The following GRIP1 variants were observed in gnomAD, a reference collection of about 807,000 sequenced individuals.
GRIP1 encodes the protein glutamate receptor-interacting protein 1.
In GRIP1, 45 loss-of-function variants were observed where a neutral mutation model predicts 129.9. The observed-to-expected ratio is 0.35, with a 90% CI of 0.27 to 0.44. GRIP1 has a LOEUF of 0.44. Among genes scored for constraint, GRIP1 ranks in the 20% least tolerant of loss-of-function variants. GRIP1 has a pLI of 1.00. For synonymous variants in GRIP1, 530 were observed against 520.8 expected (o/e 1.02, Z -0.24); for missense variants, 1,196 against 1,396.8 (o/e 0.86, Z 2.29).
At chr12:67,041,145 ATCTC>A (rs373387278) in intron 1 of GRIP1, among the ~76,000 whole-genome samples, 17 of 151,910 alleles carry the variant, frequency 1.1e-4, no homozygotes, top group South Asian at 8.3e-4. Context: ...CTTAAAATCA[ATCTC>A]TCTCTTTCTC....
At chr12:66,685,147 C>T (rs1420237218) in intron 1 of GRIP1, among the ~76,000 whole-genome samples, 1 of 152,160 alleles carries the variant, frequency 6.6e-6, no homozygotes, top group African/African-American at 2.4e-5. Flanking sequence ...CAGACCTTTA[C>T]TGATTACCTT....
intron 4 of GRIP1, among the ~76,000 whole-genome samples, chr12:66,532,924 C>T (rs979935522): frequency 4.6e-5 from 7 of 152,152 alleles, no homozygotes; most frequent in East Asian, 1.9e-4. Flanking sequence ...AATGGAGTAA[C>T]AGTGAAGAGT....
intron 1 of GRIP1, among the ~76,000 whole-genome samples, chr12:66,955,320 C>T (rs939100937): frequency 7.2e-5 from 11 of 152,038 alleles, no homozygotes; most frequent in South Asian, 2.1e-4. Flanking sequence ...GAAGCACACA[C>T]GGAGAACCAC....
At chr12:66,374,394 GC>G (rs2055683924) in intron 22 of GRIP1, among the ~76,000 whole-genome samples, 1 of 151,900 alleles carries the variant, frequency 6.6e-6, no homozygotes, top group Non-Finnish European at 1.5e-5. Context: ...CTCCACATTG[GC>G]CAGGCTGGTC....
At chr12:66,740,353 G>A (rs1487749096) in intron 1 of GRIP1, among the ~76,000 whole-genome samples, 3 of 152,180 alleles carry the variant, frequency 2.0e-5, no homozygotes, top group African/African-American at 7.2e-5. Context: ...CCGTGCCTAT[G>A]AGTCATAAGT....
intron 1 of GRIP1, among the ~76,000 whole-genome samples, chr12:66,975,317 T>C (rs1159793375): frequency 6.6e-6 from 1 of 152,156 alleles, no homozygotes; most frequent in Admixed American, 6.6e-5. Flanking sequence ...TCATCAGGTA[T>C]CTAAAATTGT....
chr12:66,846,449 T>C (rs1380044078), intron 1 of GRIP1, among the ~76,000 whole-genome samples: 1 of 152,230 alleles, frequency 6.6e-6, no homozygotes, highest in South Asian at 2.1e-4. Flanking sequence ...TTTTATCTCC[T>C]AAATATTTCT....
chr12:66,997,528 C>A (rs1342759921), intron 1 of GRIP1, among the ~76,000 whole-genome samples: 2 of 152,014 alleles, frequency 1.3e-5, no homozygotes, highest in African/African-American at 4.8e-5. Flanking sequence ...CTTTACACAA[C>A]AGAAAATGGA....
intron 1 of GRIP1, among the ~76,000 whole-genome samples, chr12:66,860,154 A>T (rs1487751281): frequency 6.6e-6 from 1 of 152,092 alleles, no homozygotes. Flanking sequence ...AGCAGGGGCT[A>T]TAAGGATAGA....
intron 1 of GRIP1, among the ~76,000 whole-genome samples, chr12:66,820,878 A>G (rs915313129): frequency 3.3e-5 from 5 of 152,176 alleles, no homozygotes; most frequent in South Asian, 2.1e-4. Flanking sequence ...TAGGTGAAGC[A>G]CAAAGGATTT....
Position 66,715,471 on chromosome 12 carries a change from T to TGTGTGTGTGTGTGTGAGAGAGAGA in GRIP1, c.-419-85136_-419-85135insTCTCTCTCTCACACACACACACAC, listed in dbSNP as rs761155485. Among the ~76,000 whole-genome samples, 51 of 110,124 alleles carry TGTGTGTGTGTGTGTGAGAGAGAGA rather than the reference T, an allele frequency of 4.6e-4. 1 individual carries two copies. Among genetic ancestry groups the TGTGTGTGTGTGTGTGAGAGAGAGA allele is most frequent in the African/African-American group, 1.6e-3 (46 of 29,564 alleles). 72.2% of individuals were successfully genotyped at this position (110,124 alleles called of 152,430 possible). On this transcript the variant is annotated intron_variant, in intron 1 of 4. Coordinates refer to the GRIP1 transcript ENST00000538373. Reference sequence around the variant, plus strand: ...AGCTTGATGTGTGTGTGTGTGTGTGTGAGAGAGAGAGAGAGAGAGAGAGAG... The same window carrying TGTGTGTGTGTGTGTGAGAGAGAGA: ...AGCTTGATGTGTGTGTGTGTGTGTGTGTGTGTGTGTGTGTGAGAGAGAGAGAGAGAGAGAGAGAGAGAGAGAGAG...
chr12:66,379,743 A>G (rs2056012734), intron 19 of GRIP1, among the ~76,000 whole-genome samples: 1 of 152,188 alleles, frequency 6.6e-6, no homozygotes, highest in East Asian at 1.9e-4. Context: ...TGGGAGTTCA[A>G]GTCATAATTT....
In GRIP1 at chr12:66,679,003, G is replaced by C; in HGVS notation, c.-99C>G. On this transcript the variant is annotated 5_prime_UTR_variant, in exon 1 of 25. Transcript: ENST00000359742. ...TGAATTCCTTGCGCACATACCAGGAGAAAGGTAGTCCCAGTGGGGAGTGAC... is the reference window on the plus strand; with the variant it reads ...TGAATTCCTTGCGCACATACCAGGACAAAGGTAGTCCCAGTGGGGAGTGAC... 3.1e-6 allele frequency: 5 copies of C among 1,596,276 alleles called. No homozygotes were observed. Among genetic ancestry groups the C allele is most frequent in the Non-Finnish European group, 4.3e-6 (5 of 1,170,576 alleles).
intron 1 of GRIP1, among the ~76,000 whole-genome samples, chr12:66,964,426 A>C (rs1462936584): frequency 6.6e-6 from 1 of 152,044 alleles, no homozygotes; most frequent in Non-Finnish European, 1.5e-5. Context: ...CCTAATGCCT[A>C]ATCTCACTAG....
Position 67,022,990 on chromosome 12 carries a change from C to A in GRIP1, c.58+46060G>T, listed in dbSNP as rs544104194. On this transcript the variant is annotated intron_variant, in intron 1 of 1. Coordinates refer to the GRIP1 transcript ENST00000643019. ...TAAGTACCTGTTCAAACCTTTTGCC[C>A]ACTTTTAAAATTTTGGTTTATTTAT... Among the ~76,000 whole-genome samples the A allele has an allele frequency of 2.6e-5, 4 of 152,152 alleles. No homozygotes were observed. The East Asian group carries it at 7.7e-4, about 29-fold the overall frequency.
chr12:66,682,154 A>G (rs2034609439), upstream of GRIP1, among the ~76,000 whole-genome samples: 1 of 152,092 alleles, frequency 6.6e-6, no homozygotes, highest in African/African-American at 2.4e-5. Flanking sequence ...TCTAGTTTAC[A>G]GGGGGACAAA....
At chr12:66,640,106 CA>C (rs2031789673) in intron 1 of GRIP1, among the ~76,000 whole-genome samples, 1 of 152,156 alleles carries the variant, frequency 6.6e-6, no homozygotes, top group African/African-American at 2.4e-5. Context: ...ACCTTCCAAC[CA>C]GCTTTAGGTG....
At chr12:66,559,166 G>A (rs2139380813) in intron 2 of GRIP1, among the ~76,000 whole-genome samples, 1 of 151,344 alleles carries the variant, frequency 6.6e-6, no homozygotes, top group Non-Finnish European at 1.5e-5. Flanking sequence ...AAAAAACAGG[G>A]TATAGCAGGA....
intron 1 of GRIP1, among the ~76,000 whole-genome samples, chr12:67,026,633 G>T (rs2042945091): frequency 6.6e-6 from 1 of 152,058 alleles, no homozygotes; most frequent in Non-Finnish European, 1.5e-5. Flanking sequence ...TTATCCTGAT[G>T]GCCTGTTTAG....
Sources: allele counts gnomAD v4.1 joint callset (sites outside exome capture counted in the v4.1 genomes callset), GRCh38; gene constraint gnomAD v4.1.1; transcripts MANE v1.5; gene names NCBI Gene and HGNC (gene_info 2026-07-23, HGNC 2026-07-21).